The following SESTD1 variants were observed in gnomAD, a reference collection of about 807,000 sequenced individuals.
The protein encoded by SESTD1 is SEC14 and spectrin domain containing 1, also known as SEC14 domain and spectrin repeat-containing protein 1.
In SESTD1, 43 loss-of-function variants were observed where a neutral mutation model predicts 101.7. The ratio of observed to expected loss-of-function variants is 0.42; its 90% CI spans 0.33 to 0.55. The LOEUF is 0.55. Ranked by LOEUF, SESTD1 falls within the 20% of genes least tolerant of loss-of-function variation. The pLI is 0.07. For synonymous variants in SESTD1, 283 were observed against 286.8 expected (o/e 0.99, Z 0.13); for missense variants, 647 against 815.1 (o/e 0.79, Z 2.51).
At chr2:179,241,442 C>T (rs1445148140) in intron 1 of SESTD1, among the ~76,000 whole-genome samples, 4 of 151,930 alleles carry the variant, frequency 2.6e-5, no homozygotes, top group African/African-American at 7.3e-5. Flanking sequence ...AAACTAAGGA[C>T]AAAGAAAGCA....
intron 1 of SESTD1, among the ~76,000 whole-genome samples, chr2:179,249,801 A>G (rs1463465549): frequency 6.6e-6 from 1 of 151,970 alleles, no homozygotes; most frequent in East Asian, 1.9e-4. Context: ...AATATGCCCA[A>G]CTGCTTTTTG....
intron 2 of SESTD1, among the ~76,000 whole-genome samples, chr2:179,190,665 T>C (rs76489454): frequency 6.6e-6 from 1 of 152,030 alleles, no homozygotes; most frequent in South Asian, 2.1e-4. Context: ...CAAGAATCCA[T>C]AATGAACTTA....
chr2:179,149,993 C>T (rs185936631), intron 6 of SESTD1, among the ~76,000 whole-genome samples: 14 of 152,086 alleles, frequency 9.2e-5, no homozygotes, highest in African/African-American at 2.2e-4. Context: ...TTTGGGAGGC[C>T]GAGGCAGAGG....
chr2:179,263,636 G>A (rs2105565749), intron 1 of SESTD1, among the ~76,000 whole-genome samples: 1 of 134,888 alleles, frequency 7.4e-6, no homozygotes, highest in East Asian at 2.0e-4. Context: ...CTCCCGCGAT[G>A]TCTGTGTGTA....
At chr2:179,200,270 G>C (rs967710331) in intron 1 of SESTD1, among the ~76,000 whole-genome samples, 5 of 152,166 alleles carry the variant, frequency 3.3e-5, no homozygotes, top group African/African-American at 1.2e-4. Flanking sequence ...TGAAATAAAA[G>C]AGGATACAAA....
intron 1 of SESTD1, among the ~76,000 whole-genome samples, chr2:179,227,348 A>G (rs1019408532): frequency 6.6e-6 from 1 of 152,126 alleles, no homozygotes; most frequent in Admixed American, 6.6e-5. Flanking sequence ...CATTCTCAAA[A>G]TATTTAGATG....
intron 1 of SESTD1, among the ~76,000 whole-genome samples, chr2:179,251,523 CCA>C (rs1559162798): frequency 1.3e-5 from 2 of 152,180 alleles, no homozygotes. Flanking sequence ...CTTCCAATCA[CCA>C]GTCTATGCTC....
chr2:179,200,893 A>G (rs2046499667), intron 1 of SESTD1, among the ~76,000 whole-genome samples: 1 of 134,580 alleles, frequency 7.4e-6, no homozygotes, highest in Admixed American at 7.2e-5. Context: ...CACCAAAAGC[A>G]ATGGCAACAA....
At position 179,102,101 on chromosome 2, in the gene SESTD1, C is replaced by T. The variant is rs1225157969; in HGVS notation, c.*7798G>A. ...TTTGATGCCTTAAAAATGGACTTCT[C>T]AGTAGGAACAATGGAAATTTCACCA... is the stretch of plus-strand genomic sequence containing the variant. On this transcript the variant is annotated 3_prime_UTR_variant, in exon 18 of 18. Coordinates refer to ENST00000428443, the MANE Select transcript of SESTD1 (RefSeq NM_178123.5). 2 of 152,084 alleles carry T rather than the reference C, an allele frequency of 1.3e-5. No homozygotes were observed. The highest frequency in any genetic ancestry group is 2.4e-5 in the African/African-American group (1 of 41,412). 9.4% of individuals were successfully genotyped at this position (152,084 alleles called of 1,614,324 possible).
chr2:179,196,936 C>A (rs1449300982), intron 1 of SESTD1, among the ~76,000 whole-genome samples: 1 of 152,212 alleles, frequency 6.6e-6, no homozygotes, highest in African/African-American at 2.4e-5. Context: ...TCCTCAACAA[C>A]AACGGAACAA....
At chr2:179,210,113 T>C (rs2046632799) in intron 1 of SESTD1, among the ~76,000 whole-genome samples, 1 of 132,428 alleles carries the variant, frequency 7.6e-6, no homozygotes, top group Non-Finnish European at 1.6e-5. Context: ...TTCCTGGAAA[T>C]ATACAACCCT....
intron 8 of SESTD1, among the ~76,000 whole-genome samples, chr2:179,145,964 GATTATT>G (rs1210166171): frequency 6.6e-6 from 1 of 151,810 alleles, no homozygotes; most frequent in African/African-American, 2.4e-5. Flanking sequence ...TTAAGAGAGA[GATTATT>G]ATTAATTTTT....
At chr2:179,142,850 G>A (rs1163360751) in intron 9 of SESTD1, among the ~76,000 whole-genome samples, 2 of 152,116 alleles carry the variant, frequency 1.3e-5, no homozygotes, top group African/African-American at 2.4e-5. Context: ...CTTATTGATA[G>A]TAAAAACCAA....
At chr2:179,123,666 T>TGATA (rs1231377393) in intron 12 of SESTD1, 49 bp downstream of exon 12, 1 of 1,092,800 alleles carries the variant, frequency 9.2e-7, no homozygotes, top group East Asian at 2.8e-5. Flanking sequence ...GGTAATGATA[T>TGATA]TTAAAAAAAA....
chr2:179,243,961 T>TACACAC (rs1220156890), intron 1 of SESTD1, among the ~76,000 whole-genome samples: 2 of 144,066 alleles, frequency 1.4e-5, no homozygotes, highest in African/African-American at 5.1e-5. Flanking sequence ...TATATATATA[T>TACACAC]ACACACACAC....
intron 1 of SESTD1, among the ~76,000 whole-genome samples, chr2:179,229,807 A>C (rs2105536665): frequency 6.8e-6 from 1 of 146,344 alleles, no homozygotes; most frequent in South Asian, 2.2e-4. Flanking sequence ...ACACACACAC[A>C]CACACACACA....
intron 9 of SESTD1, among the ~76,000 whole-genome samples, chr2:179,134,012 A>G (rs2045077117): frequency 6.6e-6 from 1 of 152,250 alleles, no homozygotes; most frequent in Non-Finnish European, 1.5e-5. Context: ...AGTAGATATT[A>G]TAAGTAATCT....
rs1410638876 is a variant in SESTD1 at position 179,112,707 on chromosome 2, A to G, written c.1961+17T>C. 1 of 1,572,784 alleles carries G rather than the reference A, an allele frequency of 6.4e-7. No homozygotes were observed. Among genetic ancestry groups the G allele is most frequent in the South Asian group, 1.2e-5 (1 of 84,112 alleles). On this transcript the variant is annotated intron_variant, in intron 17 of 17. Transcript: ENST00000428443. Reference sequence around the variant, plus strand: ...CCACACCAATAAAAAATAAAATTATAAGAACATGCCCCATACCCATCAGGA... The same window carrying G: ...CCACACCAATAAAAAATAAAATTATGAGAACATGCCCCATACCCATCAGGA...
At chr2:179,162,399 G>A (rs889427882) in intron 5 of SESTD1, 6 of 152,134 alleles carry the variant, frequency 3.9e-5, no homozygotes, top group Non-Finnish European at 5.9e-5. Flanking sequence ...AAGAGAGACT[G>A]ATACTTACTT....
Sources: gnomAD v4.1 joint callset for allele counts (sites outside exome capture counted in the v4.1 genomes callset) on GRCh38, gnomAD v4.1.1 for gene constraint, MANE v1.5 for transcripts, NCBI Gene and HGNC (gene_info 2026-07-23, HGNC 2026-07-21) for gene names.